Variants in NANOG observed in about 807,000 individuals in gnomAD.
NANOG encodes the protein homeobox protein NANOG.
NANOG carries 2 observed loss-of-function variants against 17.7 expected under a neutral mutation model. That is an observed-to-expected ratio of 0.11 (90% confidence interval 0.05 to 0.36). NANOG has a LOEUF of 0.36. NANOG is among the 10% of genes least tolerant of loss of function. The pLI, the probability that NANOG is intolerant of heterozygous loss-of-function variation, is 1.00. For synonymous variants in NANOG, 81 were observed against 124.7 expected, an observed-to-expected ratio of 0.65 and a Z score of 2.33; for missense variants, 174 against 362.1, an observed-to-expected ratio of 0.48 and a Z score of 4.22.
intron 3 of NANOG, 33 bp downstream of exon 3, chr12:7,794,576 C>T (rs183882761): frequency 0.015 from 23,362 of 1,606,670 alleles, 255 homozygotes; most frequent in Non-Finnish European, 0.015. Context: ...TCTTTCCTTT[C>T]AGTGATCTTT....
intron 2 of NANOG, 149 bp downstream of exon 2, chr12:7,793,361 C>T: frequency 1.4e-6 from 1 of 693,012 alleles, no homozygotes; most frequent in East Asian, 2.7e-5. Context: ...GCTTTTGTAA[C>T]TTCCTTCACC....
At chr12:7,792,616 A>T (rs747619566) in intron 1 of NANOG, among the ~76,000 whole-genome samples, 1 of 152,100 alleles carries the variant, frequency 6.6e-6, no homozygotes, top group African/African-American at 2.4e-5. Flanking sequence ...GTGAGCCGAG[A>T]TTGCACCATC....
In NANOG at chr12:7,797,374, T is replaced by TTTTG. The variant is rs1862945797; in HGVS notation, c.*2279_*2280insTTTG. ...TCTGGGCAATTTTTTTTTTTTTTTT[T>TTTTG]GAGATGGAACTTCACTTTTGTTACT... On this transcript the variant is annotated 3_prime_UTR_variant, in exon 4 of 4. Transcript: ENST00000229307. 1 of 150,200 alleles carries TTTTG rather than the reference T, an allele frequency of 6.7e-6. No individual in the cohort carries two copies. 9.3% of individuals were successfully genotyped at this position (150,200 alleles called of 1,614,324 possible).
At chr12:7,792,425 G>A (rs983713870) in intron 1 of NANOG, among the ~76,000 whole-genome samples, 17 of 152,088 alleles carry the variant, frequency 1.1e-4, no homozygotes, top group African/African-American at 3.1e-4. Context: ...TCAGTACTTC[G>A]GGAGGCCGAG....
In NANOG at chr12:7,796,548, G is replaced by C. The variant is rs935731991; in HGVS notation, c.*1453G>C. 6.6e-6 allele frequency: 1 copy of C among 152,138 alleles called. No individual in the cohort carries two copies. The highest frequency in any genetic ancestry group is 1.5e-5 in the Non-Finnish European group (1 of 68,016). 9.4% of individuals were successfully genotyped at this position (152,138 alleles called of 1,614,324 possible). A position where few individuals can be genotyped will look rare whatever the true frequency, so the allele number is the denominator to read the frequency against. ...ATGTTCTCACCTTAAGAGCAGCTAC[G>C]CAGGCATCTGTGAATTATACTAATA... On this transcript the variant is annotated 3_prime_UTR_variant, in exon 4 of 4. Transcript: ENST00000229307.
Position 7,796,897 on chromosome 12 carries a change from T to A in NANOG, c.*1802T>A. 6.6e-6 allele frequency: 1 copy of A among 152,230 alleles called. No homozygotes were observed. The highest frequency in any genetic ancestry group is 1.9e-4 in the East Asian group (1 of 5,196). 9.4% of individuals were successfully genotyped at this position (152,230 alleles called of 1,614,324 possible). On this transcript the variant is annotated 3_prime_UTR_variant, in exon 4 of 4. Coordinates refer to ENST00000229307, the MANE Select transcript of NANOG (RefSeq NM_024865.4). Reference sequence around the variant, plus strand: ...CTCCTGCCTCAGCCTCCCAAGTAGCTGGGACTACAGGGGTGAGCCACCATG... The same window carrying A: ...CTCCTGCCTCAGCCTCCCAAGTAGCAGGGACTACAGGGGTGAGCCACCATG...
Position 7,798,630 on chromosome 12 carries a change from A to G in NANOG, c.*3535A>G, listed in dbSNP as rs1242724851. Reference sequence around the variant, plus strand: ...AATTTGCCTGGGTTTTCCGAATTTCATAATATAAATTTAAAACTCAGAAGT... The same window carrying G: ...AATTTGCCTGGGTTTTCCGAATTTCGTAATATAAATTTAAAACTCAGAAGT... On this transcript the variant is annotated 3_prime_UTR_variant, in exon 4 of 4. Coordinates refer to ENST00000229307, the MANE Select transcript of NANOG (RefSeq NM_024865.4). 1 of 150,906 alleles carries G rather than the reference A, an allele frequency of 6.6e-6. No homozygotes were observed. Among genetic ancestry groups the G allele is most frequent in the African/African-American group, 2.4e-5 (1 of 40,910 alleles). 9.3% of individuals were successfully genotyped at this position (150,906 alleles called of 1,614,324 possible). A position where few individuals can be genotyped will look rare whatever the true frequency, so the allele number is the denominator to read the frequency against.
At position 7,796,184 on chromosome 12, in the gene NANOG, C is replaced by G. The variant is rs1862926971; in HGVS notation, c.*1089C>G. The G allele has an allele frequency of 6.6e-6, 1 of 152,142 alleles. No individual in the cohort carries two copies. The highest frequency in any genetic ancestry group is 2.1e-4 in the South Asian group (1 of 4,822). 9.4% of individuals were successfully genotyped at this position (152,142 alleles called of 1,614,324 possible). The stretch of plus-strand genomic sequence containing the variant: ...CCTGTAGTCCCAGCTATTTGGGAGG[C>G]TGAGGCAGGAGAATCGCTTGAACCT... On this transcript the variant is annotated 3_prime_UTR_variant, in exon 4 of 4. Coordinates refer to ENST00000229307, the MANE Select transcript of NANOG (RefSeq NM_024865.4).
intron 1 of NANOG, among the ~76,000 whole-genome samples, chr12:7,790,512 A>T (rs1862825047): frequency 6.6e-6 from 1 of 152,144 alleles, no homozygotes; most frequent in South Asian, 2.1e-4. Flanking sequence ...GGGGTGGGGG[A>T]TACTCGGGAT....
chr12:7,795,692 A>T lies in NANOG; in HGVS notation c.*597A>T, dbSNP rs1862920689. The T allele has an allele frequency of 6.9e-6, 1 of 143,924 alleles. No individual in the cohort carries two copies. The highest frequency in any genetic ancestry group is 7.4e-5 in the Admixed American group (1 of 13,564). The allele number at this position is 143,924 out of a possible 1,614,324, so 8.9% of individuals were successfully genotyped here. On this transcript the variant is annotated 3_prime_UTR_variant, in exon 4 of 4. Coordinates refer to ENST00000229307, the MANE Select transcript of NANOG (RefSeq NM_024865.4). ...ATAAGTAGATCTAATACTAGTTTGGATATCTTTAGGGTTTAGAATCTAACC... is the reference window on the plus strand; with the variant it reads ...ATAAGTAGATCTAATACTAGTTTGGTTATCTTTAGGGTTTAGAATCTAACC...
At position 7,797,329 on chromosome 12, in the gene NANOG, T is replaced by G. The variant is rs1257198740; in HGVS notation, c.*2234T>G. 2 of 150,660 alleles carry G rather than the reference T, an allele frequency of 1.3e-5. No homozygotes were observed. The highest frequency in any genetic ancestry group is 3.9e-4 in the East Asian group (2 of 5,100). The allele number at this position is 150,660 out of a possible 1,614,324, so 9.3% of individuals were successfully genotyped here. A position where few individuals can be genotyped will look rare whatever the true frequency, so the allele number is the denominator to read the frequency against. On this transcript the variant is annotated 3_prime_UTR_variant, in exon 4 of 4. Coordinates refer to ENST00000229307, the MANE Select transcript of NANOG (RefSeq NM_024865.4). ...ACTCGGCCTCCCAAAGTGGTGGGAT[T>G]ATAGGTGTGAGCCACCGTGTCTGGG...
intron 1 of NANOG, among the ~76,000 whole-genome samples, chr12:7,790,710 A>G (rs930001257): frequency 3.1e-4 from 47 of 151,954 alleles, no homozygotes; most frequent in African/African-American, 1.1e-3. Flanking sequence ...AGTAAACATG[A>G]TTGCTATATT....
At position 7,794,704 on chromosome 12, in the gene NANOG, G is replaced by A. The variant is rs780355475; in HGVS notation, c.527G>A (p.Ser176Asn). ...TQKASAPTYP[S>N]LYSSYHQGCL... Reference sequence around the variant, plus strand: ...AAGGCCTCAGCACCTACCTACCCCAGCCTTTACTCTTCCTACCACCAGGGA... The same window carrying A: ...AAGGCCTCAGCACCTACCTACCCCAACCTTTACTCTTCCTACCACCAGGGA... Residue 176 changes from serine (S) to asparagine (N), a missense_variant, in exon 4 of 4, where the codon AGC (serine) becomes AAC (asparagine). Ser to Asn is a conservative substitution (Grantham distance 46). Around this residue, in one of 2 missense-constraint regions of NANOG, gnomAD observed 158 missense variants for 244.2 expected, o/e 0.65. Coordinates refer to ENST00000229307, the MANE Select transcript of NANOG (RefSeq NM_024865.4). The A allele has an allele frequency of 6.2e-7, 1 of 1,605,558 alleles. No individual in the cohort carries two copies.
At chr12:7,789,827 G>A (rs1592116067) in intron 1 of NANOG, 62 bp downstream of exon 1, 1 of 1,521,144 alleles carries the variant, frequency 6.6e-7, no homozygotes, top group Non-Finnish European at 9.0e-7. Context: ...GAAGGAGAGA[G>A]GGTTAAGGGA....
rs1592118659 is a variant in NANOG, at chr12:7,795,234, C to G, written c.*139C>G. 4.8e-6 allele frequency: 3 copies of G among 627,456 alleles called. No homozygotes were observed. Among genetic ancestry groups the G allele is most frequent in the South Asian group, 3.8e-5 (2 of 52,386 alleles). The allele number at this position is 627,456 out of a possible 1,614,324, so 38.9% of individuals were successfully genotyped here. On this transcript the variant is annotated 3_prime_UTR_variant, in exon 4 of 4. Coordinates refer to ENST00000229307, the MANE Select transcript of NANOG (RefSeq NM_024865.4). The stretch of plus-strand genomic sequence containing the variant: ...TTTCCATGATGCCCATCCAGTCAAT[C>G]TCATGGAGGGTGGAGTATGGTTGGA...
In NANOG at chr12:7,796,216, T is replaced by TG. The variant is rs1862927420; in HGVS notation, c.*1123dup. On this transcript the variant is annotated 3_prime_UTR_variant, in exon 4 of 4. Coordinates refer to ENST00000229307, the MANE Select transcript of NANOG (RefSeq NM_024865.4). ...AGGAGAATCGCTTGAACCTGGTAGG[T>TG]GGAGGTTGTAGTGAGCCAATATCAC... is the stretch of plus-strand genomic sequence containing the variant. 2 of 152,080 alleles carry TG rather than the reference T, an allele frequency of 1.3e-5. No individual in the cohort carries two copies. Among genetic ancestry groups the TG allele is most frequent in the Admixed American group, 6.6e-5 (1 of 15,220 alleles). The allele number at this position is 152,080 out of a possible 1,614,324, so 9.4% of individuals were successfully genotyped here. A position where few individuals can be genotyped will look rare whatever the true frequency, so the allele number is the denominator to read the frequency against.
intron 1 of NANOG, among the ~76,000 whole-genome samples, chr12:7,791,097 C>G (rs954503094): frequency 7.6e-6 from 1 of 132,446 alleles, no homozygotes; most frequent in South Asian, 2.4e-4. Context: ...TTTATAATTT[C>G]TTTCTTTCTT....
rs113010779 is a variant in NANOG at position 7,798,358 on chromosome 12, G to T, written c.*3263G>T. On this transcript the variant is annotated 3_prime_UTR_variant, in exon 4 of 4. Transcript: ENST00000229307. ...CCCACTCCAGCCTGGGCGACAGAGC[G>T]TCACTGTCTCAAAAATAAACAAAAA... 1 of 152,296 alleles carries T rather than the reference G, an allele frequency of 6.6e-6. No individual in the cohort carries two copies. Among genetic ancestry groups the T allele is most frequent in the South Asian group, 2.1e-4 (1 of 4,826 alleles). 9.4% of individuals were successfully genotyped at this position (152,296 alleles called of 1,614,324 possible).
rs761487798 is a variant in NANOG, at chr12:7,789,635, T to C, written c.21T>C (p.Cys7=). 5 of 1,613,990 alleles carry C rather than the reference T, an allele frequency of 3.1e-6. No homozygotes were observed. The South Asian group carries it at 5.5e-5, about 18-fold the overall frequency. ...CTAACATGAGTGTGGATCCAGCTTG[T>C]CCCCAAAGCTTGCCTTGCTTTGAAG... is the stretch of plus-strand genomic sequence containing the variant. MSVDPA[C]PQSLPCFEAS... Residue 7 remains cysteine, a synonymous_variant, in exon 1 of 4, where the codon TGT becomes TGC. Coordinates refer to ENST00000229307, the MANE Select transcript of NANOG (RefSeq NM_024865.4).
Sources: allele counts gnomAD v4.1 joint callset (sites outside exome capture counted in the v4.1 genomes callset), GRCh38; gene constraint gnomAD v4.1.1; regional missense constraint gnomAD v4.1.1; transcripts MANE v1.5; gene names NCBI Gene and HGNC (gene_info 2026-07-23, HGNC 2026-07-21).